MYO6: variants seen among roughly 807,000 people sequenced by gnomAD.
MYO6 encodes myosin VI, also known as unconventional myosin-VI.
A neutral mutation model predicts 178.7 loss-of-function variants in MYO6; 74 were observed. That is an observed-to-expected ratio of 0.41 (90% CI 0.34 to 0.50). The LOEUF (loss-of-function observed/expected upper bound fraction) is 0.50. Ranked by LOEUF, MYO6 falls within the 20% of genes least tolerant of loss-of-function variation. The probability of loss-of-function intolerance (pLI) is 0.09; values close to 1 mark genes in which losing one functional copy is unlikely to be tolerated. For synonymous variants in MYO6, 477 were observed against 504.6 expected (o/e 0.95, Z 0.73); for missense variants, 1,330 against 1,547.4 (o/e 0.86, Z 2.36).
Position 75,886,036 on chromosome 6 carries a change from T to A in MYO6, c.2449T>A (p.Cys817Ser). The change falls in exon 24 of 35, where the codon TGC becomes AGC. Residue 817 changes from cysteine to serine, a missense_variant. Cys to Ser is a moderately radical substitution (Grantham distance 112). This residue lies in a region of MYO6 where 601 missense variants were observed against 626.1 expected (regional missense o/e 0.96). Coordinates refer to ENST00000369977, the MANE Select transcript of MYO6 (RefSeq NM_004999.4). ...CAAAATAAAATATCGAGCTGAAGCCTGCATTAAAATGCAAAAAACTATTCG... is the reference window on the plus strand; with the variant it reads ...CAAAATAAAATATCGAGCTGAAGCCAGCATTAAAATGCAAAAAACTATTCG... The part of the protein sequence containing the change: ...KNKIKYRAEA[C>S]IKMQKTIRMW... 6.2e-7 allele frequency: 1 copy of A among 1,611,508 alleles called. No homozygotes were observed. The highest frequency in any genetic ancestry group is 8.5e-7 in the Non-Finnish European group (1 of 1,178,114).
chr6:75,766,190 G>A (rs1024986599), intron 1 of MYO6, among the ~76,000 whole-genome samples: 5 of 152,186 alleles, frequency 3.3e-5, no homozygotes, highest in African/African-American at 1.2e-4. Flanking sequence ...GGGCGGGGTG[G>A]CGGGTGCCTG....
Position 75,830,507 on chromosome 6 carries a change from A to G in MYO6, c.353A>G (p.Lys118Arg), listed in dbSNP as rs888435086. The G allele has an allele frequency of 6.2e-7, 1 of 1,612,564 alleles. No homozygotes were observed. Among genetic ancestry groups the G allele is most frequent in the Non-Finnish European group, 8.5e-7 (1 of 1,178,822 alleles). ...GAAGCAATAAAGTCATATCAAGGAA[A>G]ATCTCTTGGGACAAGACCACCTCAT... ...SSEAIKSYQG[K>R]SLGTRPPHVF... The change falls in exon 5 of 35, where the codon AAA (lysine) becomes AGA (arginine). Residue 118 changes from lysine (K) to arginine (R), a missense_variant. Around this residue, in one of 3 missense-constraint regions of MYO6, gnomAD observed 613 missense variants for 816.8 expected, o/e 0.75. Coordinates refer to ENST00000369977, the MANE Select transcript of MYO6 (RefSeq NM_004999.4).
intron 25 of MYO6, among the ~76,000 whole-genome samples, chr6:75,887,321 C>T (rs1310604585): frequency 1.3e-5 from 2 of 152,180 alleles, no homozygotes; most frequent in South Asian, 2.1e-4. Context: ...CAAACCTGCA[C>T]ATCCTGCACG....
At chr6:75,886,710 G>A in intron 24 of MYO6, 134 bp from the exon 25 acceptor site, 2 of 857,832 alleles carry the variant, frequency 2.3e-6, no homozygotes, top group Non-Finnish European at 3.7e-6. Flanking sequence ...CCTTCAACAA[G>A]AGATCTGAAA....
chr6:75,827,250 GGTAA>G (rs1218598401), intron 3 of MYO6, among the ~76,000 whole-genome samples: 1 of 152,146 alleles, frequency 6.6e-6, no homozygotes, highest in African/African-American at 2.4e-5. Flanking sequence ...GGTGAGAATG[GGTAA>G]GTGTCATTTG....
At chr6:75,830,629 GA>G (rs1772986379) in intron 5 of MYO6, 84 bp downstream of exon 5, 1 of 1,306,610 alleles carries the variant, frequency 7.7e-7, no homozygotes, top group Admixed American at 1.8e-5. Context: ...ATTAATAAAA[GA>G]TACCATAAAT....
intron 16 of MYO6, among the ~76,000 whole-genome samples, chr6:75,863,268 A>T (rs1177400502): frequency 2.6e-5 from 4 of 152,200 alleles, no homozygotes; most frequent in Non-Finnish European, 5.9e-5. Flanking sequence ...TGTGGCTTAG[A>T]ACTCTTGACT....
At position 75,917,492 on chromosome 6, in the gene MYO6, C is replaced by T. The variant is rs532261723; in HGVS notation, c.*2480C>T. On this transcript the variant is annotated 3_prime_UTR_variant, in exon 35 of 35. Transcript: ENST00000369977. ...ATTGAGAAAAGGAAGTTACTCTAATCCACGTATGTTAAGAGAATATTGAGT... is the reference window on the plus strand; with the variant it reads ...ATTGAGAAAAGGAAGTTACTCTAATTCACGTATGTTAAGAGAATATTGAGT... 1 of 152,404 alleles carries T rather than the reference C, an allele frequency of 6.6e-6. No individual in the cohort carries two copies. Among genetic ancestry groups the T allele is most frequent in the South Asian group, 2.1e-4 (1 of 4,828 alleles). The allele number at this position is 152,404 out of a possible 1,614,324, so 9.4% of individuals were successfully genotyped here.
chr6:75,772,367 C>T (rs563376973), intron 1 of MYO6, among the ~76,000 whole-genome samples: 16 of 152,038 alleles, frequency 1.1e-4, no homozygotes, highest in South Asian at 2.1e-4. Flanking sequence ...CCTTCTCATT[C>T]GCATAGATAA....
chr6:75,915,074 C>T lies in MYO6; in HGVS notation c.*62C>T. Reference sequence around the variant, plus strand: ...CATGGTACTTAGGTAGGGTGTGTGCCCCCAGATTTAACCATTCCATAATCA... The same window carrying T: ...CATGGTACTTAGGTAGGGTGTGTGCTCCCAGATTTAACCATTCCATAATCA... On this transcript the variant is annotated 3_prime_UTR_variant, in exon 35 of 35. Coordinates refer to ENST00000369977, the MANE Select transcript of MYO6 (RefSeq NM_004999.4). 6.9e-7 allele frequency: 1 copy of T among 1,458,056 alleles called. No homozygotes were observed. The highest frequency in any genetic ancestry group is 1.9e-5 in the Admixed American group (1 of 52,350). The allele number at this position is 1,458,056 out of a possible 1,614,324, so 90.3% of individuals were successfully genotyped here.
In MYO6 at chr6:75,890,162, G is replaced by A. The variant is rs548418969; in HGVS notation, c.2764G>A (p.Glu922Lys). Residue 922 changes from glutamate to lysine, a missense_variant, in exon 26 of 35, where the codon GAA (glutamate) becomes AAA (lysine). Physicochemically the swap from Glu to Lys is moderately conservative, Grantham distance 56 (BLOSUM62 1). Around this residue, in one of 3 missense-constraint regions of MYO6, gnomAD observed 601 missense variants for 626.1 expected, o/e 0.96. Transcript: ENST00000369977. ...ALQKKKQQEE[E>K]AERLRRIQEE... Reference sequence around the variant, plus strand: ...ACAGAAAAAAAAACAGCAGGAAGAGGAAGCAGAAAGGCTGAGGCGTATTCA... The same window carrying A: ...ACAGAAAAAAAAACAGCAGGAAGAGAAAGCAGAAAGGCTGAGGCGTATTCA... The A allele has an allele frequency of 9.9e-6, 16 of 1,613,724 alleles. No individual in the cohort carries two copies. In the South Asian group the frequency reaches 1.6e-4, roughly 17 times the overall value.
intron 1 of MYO6, among the ~76,000 whole-genome samples, chr6:75,767,595 T>C (rs573985834): frequency 6.7e-6 from 1 of 150,322 alleles, no homozygotes; most frequent in African/African-American, 2.4e-5. Context: ...TCTCAGCTCA[T>C]TGCAGTCTCT....
intron 9 of MYO6, among the ~76,000 whole-genome samples, chr6:75,842,006 T>G (rs907743882): frequency 6.6e-6 from 1 of 152,232 alleles, no homozygotes; most frequent in African/African-American, 2.4e-5. Flanking sequence ...CTTTGACTTA[T>G]CTGTAAAAAT....
At chr6:75,827,548 T>C (rs1441741600) in intron 3 of MYO6, among the ~76,000 whole-genome samples, 3 of 152,172 alleles carry the variant, frequency 2.0e-5, no homozygotes, top group African/African-American at 4.8e-5. Context: ...CTTTAGTTAA[T>C]GTGCTGAGAA....
chr6:75,907,414 G>A (rs551606268), intron 30 of MYO6, among the ~76,000 whole-genome samples, 191 bp from the exon 31 acceptor site: 9 of 152,146 alleles, frequency 5.9e-5, no homozygotes, highest in Non-Finnish European at 8.8e-5. Flanking sequence ...CGAGTGGCAT[G>A]CTGGAAATTT....
At chr6:75,858,144 G>A in intron 13 of MYO6, among the ~76,000 whole-genome samples, 1 of 151,960 alleles carries the variant, frequency 6.6e-6, no homozygotes, top group Admixed American at 6.6e-5. Context: ...GTAAAGCCGA[G>A]TGTATCTTAG....
chr6:75,866,880 G>C, intron 17 of MYO6, 52 bp from the exon 18 acceptor site: 1 of 1,572,990 alleles, frequency 6.4e-7, no homozygotes, highest in South Asian at 1.1e-5. Flanking sequence ...GCCATGTTAA[G>C]TGATGTTATC....
At chr6:75,881,200 A>T (rs1383362613) in intron 22 of MYO6, among the ~76,000 whole-genome samples, 1 of 152,064 alleles carries the variant, frequency 6.6e-6, no homozygotes, top group Admixed American at 6.6e-5. Flanking sequence ...GCTGCAGTGA[A>T]CCAAGATTGC....
chr6:75,907,290 A>G (rs551821734), intron 30 of MYO6, among the ~76,000 whole-genome samples: 1 of 152,316 alleles, frequency 6.6e-6, no homozygotes, highest in South Asian at 2.1e-4. Context: ...ATATTTTTCA[A>G]CTTTAAGTGT....
Sources: gnomAD v4.1 joint callset for allele counts (sites outside exome capture counted in the v4.1 genomes callset) on GRCh38, gnomAD v4.1.1 for gene constraint, gnomAD v4.1.1 regional missense constraint, MANE v1.5 for transcripts, NCBI Gene and HGNC (gene_info 2026-07-23, HGNC 2026-07-21) for gene names.